The following PRPH variants were observed in gnomAD, a reference collection of about 807,000 sequenced individuals.
The protein encoded by PRPH is neurofilament 4 (57kD).
A neutral mutation model predicts 52.6 loss-of-function variants in PRPH; 48 were observed. That is an observed-to-expected ratio of 0.91 (90% CI 0.72 to 1.16). The LOEUF (loss-of-function observed/expected upper bound fraction) is 1.16. Among genes scored for constraint, PRPH ranks in the 50% most tolerant of loss-of-function variants. PRPH has a pLI of 0.00. For missense variants in PRPH, 579 were observed against 635.7 expected, an observed-to-expected ratio of 0.91 and a Z score of 0.96; for synonymous variants, 279 against 283.8, an observed-to-expected ratio of 0.98 and a Z score of 0.17.
rs1453804414 is a variant in PRPH, at chr12:49,298,571, C to A, written c.*218C>A. ...CCTATGTGCTTCCCTTTTCATGTCC[C>A]GATAAGAAGCCAATGATCCCCCCTC... is the stretch of plus-strand genomic sequence containing the variant. On this transcript the variant is annotated 3_prime_UTR_variant, in exon 9 of 9. Coordinates refer to ENST00000257860, the MANE Select transcript of PRPH (RefSeq NM_006262.4). 1.0e-5 allele frequency: 6 copies of A among 572,794 alleles called. No individual in the cohort carries two copies. The Admixed American group carries it at 1.8e-4, about 17-fold the overall frequency. 35.5% of individuals were successfully genotyped at this position (572,794 alleles called of 1,614,324 possible).
chr12:49,298,074 T>G (rs1380271753), intron 8 of PRPH, 37 bp downstream of exon 8: 4 of 1,601,912 alleles, frequency 2.5e-6, no homozygotes, highest in Admixed American at 1.7e-5. Context: ...CCCCACCATT[T>G]CCCATATTAT....
chr12:49,295,734 G>A lies in PRPH; in HGVS notation c.534G>A (p.Ala178=), dbSNP rs752458408. ...ERDGLAEDLA[A]LKQRLEEETR... Reference sequence around the variant, plus strand: ...ACGGGCTGGCGGAGGACCTGGCGGCGCTCAAGCAGAGGTCAGGGGGCAGGG... The same window carrying A: ...ACGGGCTGGCGGAGGACCTGGCGGCACTCAAGCAGAGGTCAGGGGGCAGGG... Residue 178 remains alanine, a synonymous_variant, in exon 1 of 9, where the codon GCG becomes GCA. Transcript: ENST00000257860. 2 of 1,511,484 alleles carry A rather than the reference G, an allele frequency of 1.3e-6. No homozygotes were observed. Among genetic ancestry groups the A allele is most frequent in the East Asian group, 2.5e-5 (1 of 40,232 alleles). 93.6% of individuals were successfully genotyped at this position (1,511,484 alleles called of 1,614,324 possible). A position where few individuals can be genotyped will look rare whatever the true frequency, so the allele number is the denominator to read the frequency against.
chr12:49,296,031 G>C lies in PRPH; in HGVS notation c.546-147G>C, dbSNP rs1943173896. On this transcript the variant is annotated intron_variant, in intron 1 of 8. Transcript: ENST00000257860. This position sits in a 1 kb window ranked among gnomAD's most constrained non-coding sequence, Gnocchi z 5.1. ...GCTCCCAGTCCGTTAGAGACAATGC[G>C]GGGCAATTCCATTAGACAGCCTCAG... 1.5e-6 allele frequency: 2 copies of C among 1,323,400 alleles called. No individual in the cohort carries two copies. Among genetic ancestry groups the C allele is most frequent in the Admixed American group, 2.0e-5 (1 of 49,844 alleles). The allele number at this position is 1,323,400 out of a possible 1,614,324, so 82.0% of individuals were successfully genotyped here.
At position 49,296,636 on chromosome 12, in the gene PRPH, G is replaced by C; in HGVS notation, c.702+109G>C. On this transcript the variant is annotated intron_variant, in intron 3 of 8. Coordinates refer to ENST00000257860, the MANE Select transcript of PRPH (RefSeq NM_006262.4). The surrounding 1 kb of genome is among the most constrained non-coding windows in gnomAD (Gnocchi z 5.1). ...CTGGGGATCAGGACGATGCTGGGTA[G>C]ACGCAGCCCCTCCACCCTAGTCTAC... 1.7e-6 allele frequency: 2 copies of C among 1,161,066 alleles called. No individual in the cohort carries two copies. The highest frequency in any genetic ancestry group is 3.9e-5 in the Admixed American group (2 of 51,014). The allele number at this position is 1,161,066 out of a possible 1,614,324, so 71.9% of individuals were successfully genotyped here. A position where few individuals can be genotyped will look rare whatever the true frequency, so the allele number is the denominator to read the frequency against.
In PRPH at chr12:49,297,812, C is replaced by T. The variant is rs768338608; in HGVS notation, c.1267+86C>T. On this transcript the variant is annotated intron_variant, in intron 7 of 8. Transcript: ENST00000257860. The surrounding 1 kb of genome is among the most constrained non-coding windows in gnomAD (Gnocchi z 4.4). ...CTCTGGCTCACCTCAGGGATCTCTT[C>T]TCCCCACGGAACTTCTGGGTCCTGG... The T allele has an allele frequency of 1.9e-6, 3 of 1,602,412 alleles. No individual in the cohort carries two copies. The highest frequency in any genetic ancestry group is 1.7e-5 in the Admixed American group (1 of 60,002).
In PRPH at chr12:49,298,047, G is replaced by T. The variant is rs1189108720; in HGVS notation, c.1347+10G>T. The stretch of plus-strand genomic sequence containing the variant: ...GACCCGGAATGGGGAGGTGAGGCAG[G>T]TCCCCTAATGCCAGGACCCCACCAT... On this transcript the variant is annotated intron_variant, in intron 8 of 8. Transcript: ENST00000257860. 2.5e-6 allele frequency: 4 copies of T among 1,612,812 alleles called. No homozygotes were observed. Among genetic ancestry groups the T allele is most frequent in the Non-Finnish European group, 3.4e-6 (4 of 1,178,824 alleles).
Position 49,297,860 on chromosome 12 carries a change from A to T in PRPH, c.1268-98A>T. 1 of 1,582,098 alleles carries T rather than the reference A, an allele frequency of 6.3e-7. No individual in the cohort carries two copies. The highest frequency in any genetic ancestry group is 8.7e-7 in the Non-Finnish European group (1 of 1,151,970). ...TGGCCTGTACCCACCCCTACTCCTC[A>T]AACCCGCCCCTCCCCTGCCCTCAGG... On this transcript the variant is annotated intron_variant, in intron 7 of 8. Coordinates refer to ENST00000257860, the MANE Select transcript of PRPH (RefSeq NM_006262.4). The surrounding 1 kb of genome is among the most constrained non-coding windows in gnomAD (Gnocchi z 4.4).
Position 49,297,378 on chromosome 12 carries a change from T to C in PRPH, c.1018T>C (p.Leu340=). The C allele has an allele frequency of 6.2e-7, 1 of 1,613,482 alleles. No homozygotes were observed. The highest frequency in any genetic ancestry group is 8.5e-7 in the Non-Finnish European group (1 of 1,179,900). The change falls in exon 6 of 9, where the codon TTG becomes CTG. Residue 340 remains leucine, a synonymous_variant. Coordinates refer to ENST00000257860, the MANE Select transcript of PRPH (RefSeq NM_006262.4). This position sits in a 1 kb window ranked among gnomAD's most constrained non-coding sequence, Gnocchi z 4.4. ...RGTNEALLRQ[L]RELEEQFALE... The stretch of plus-strand genomic sequence containing the variant: ...CCAGAACGAGGCGCTGCTCAGGCAG[T>C]TGAGAGAGCTGGAGGAGCAGTTCGC...
At chr12:49,295,970 G>C in intron 1 of PRPH, 1 of 1,423,594 alleles carries the variant, frequency 7.0e-7, no homozygotes, top group Non-Finnish European at 9.3e-7. Context: ...GTGGGTATCT[G>C]TGCCTCCCCT....
rs1943174575 is a variant in PRPH at position 49,296,075 on chromosome 12, G to A, written c.546-103G>A. 7.2e-7 allele frequency: 1 copy of A among 1,383,026 alleles called. No individual in the cohort carries two copies. The highest frequency in any genetic ancestry group is 1.0e-6 in the Non-Finnish European group (1 of 1,002,478). The allele number at this position is 1,383,026 out of a possible 1,614,324, so 85.7% of individuals were successfully genotyped here. A position where few individuals can be genotyped will look rare whatever the true frequency, so the allele number is the denominator to read the frequency against. On this transcript the variant is annotated intron_variant, in intron 1 of 8. Coordinates refer to ENST00000257860, the MANE Select transcript of PRPH (RefSeq NM_006262.4). This position sits in a 1 kb window ranked among gnomAD's most constrained non-coding sequence, Gnocchi z 5.1. The stretch of plus-strand genomic sequence containing the variant: ...GCCTCAGCCCTCCATTTAGAGTCCT[G>A]GGCAGCAGAACAGCCTCTAACCGGA...
chr12:49,297,601 G>C lies in PRPH; in HGVS notation c.1217+24G>C, dbSNP rs751404439. The C allele has an allele frequency of 6.2e-7, 1 of 1,609,312 alleles. No individual in the cohort carries two copies. The highest frequency in any genetic ancestry group is 8.5e-7 in the Non-Finnish European group (1 of 1,178,782). ...CGGTGAGGGTGGAGCTGCTGGGGCG[G>C]GGCAGGGCGGGGTCGGGACTGGGCC... On this transcript the variant is annotated intron_variant, in intron 6 of 8. Coordinates refer to ENST00000257860, the MANE Select transcript of PRPH (RefSeq NM_006262.4). The surrounding 1 kb of genome is among the most constrained non-coding windows in gnomAD (Gnocchi z 4.4).
Position 49,297,722 on chromosome 12 carries a change from G to A in PRPH, c.1263G>A (p.Thr421=), listed in dbSNP as rs751797920. 1.9e-6 allele frequency: 3 copies of A among 1,610,430 alleles called. No homozygotes were observed. The highest frequency in any genetic ancestry group is 1.7e-5 in the Admixed American group (1 of 59,856). The change falls in exon 7 of 9, where the codon ACG becomes ACA. Residue 421 remains threonine, a synonymous_variant. Transcript: ENST00000257860. This position sits in a 1 kb window ranked among gnomAD's most constrained non-coding sequence, Gnocchi z 4.4. ...CTTTTGCCTCCTTAAATATAAAGACGACTGGTGAGTCTGGCTTACAGCCTG... is the reference window on the plus strand; with the variant it reads ...CTTTTGCCTCCTTAAATATAAAGACAACTGGTGAGTCTGGCTTACAGCCTG... ...VHSFASLNIK[T]TVPEVEPPQD...
At position 49,298,605 on chromosome 12, in the gene PRPH, TCTA is replaced by T. The variant is rs995208037; in HGVS notation, c.*255_*257del. 1.5e-5 allele frequency: 8 copies of T among 533,556 alleles called. No homozygotes were observed. The African/African-American group carries it at 1.5e-4, about 10-fold the overall frequency. 33.1% of individuals were successfully genotyped at this position (533,556 alleles called of 1,614,324 possible). ...GCCAATGATCCCCCCTCAGGACAAA[TCTA>T]CTCCAGCCACGATGAGAAGTGGGTG... On this transcript the variant is annotated 3_prime_UTR_variant, in exon 9 of 9. Coordinates refer to ENST00000257860, the MANE Select transcript of PRPH (RefSeq NM_006262.4).
Position 49,297,985 on chromosome 12 carries a change from G to A in PRPH, c.1295G>A (p.Ser432Asn), listed in dbSNP as rs777337968. The A allele has an allele frequency of 6.2e-7, 1 of 1,614,198 alleles. No individual in the cohort carries two copies. The highest frequency in any genetic ancestry group is 1.7e-5 in the Admixed American group (1 of 60,018). ...TVPEVEPPQD[S>N]HSRKTVLIKT... ...CCTGAGGTGGAGCCTCCCCAGGACA[G>A]CCACAGCCGGAAGACGGTTCTGATC... The change falls in exon 8 of 9, where the codon AGC (serine) becomes AAC (asparagine). Residue 432 changes from serine to asparagine, a missense_variant. Transcript: ENST00000257860. This position sits in a 1 kb window ranked among gnomAD's most constrained non-coding sequence, Gnocchi z 4.4.
chr12:49,298,198 C>T, intron 8 of PRPH, 90 bp from the exon 9 acceptor site: 1 of 1,536,004 alleles, frequency 6.5e-7, no homozygotes, highest in African/African-American at 1.4e-5. Context: ...CTGCTGGTTA[C>T]CCCAGGGAGT....
chr12:49,297,456 C>T lies in PRPH; in HGVS notation c.1096C>T (p.Arg366Ter), dbSNP rs751294625. Residue 366 changes from arginine to a stop codon, truncating the protein, a stop_gained, in exon 6 of 9, where the codon CGA becomes TGA. Coordinates refer to ENST00000257860, the MANE Select transcript of PRPH (RefSeq NM_006262.4). LOFTEE classifies it high-confidence loss of function. The surrounding 1 kb of genome is among the most constrained non-coding windows in gnomAD (Gnocchi z 4.4). The stretch of plus-strand genomic sequence containing the variant: ...CGCTGCGCGGCTCGAGGAGGAGCTG[C>T]GACAGCTAAAAGAGGAGATGGCGCG... ...AGAARLEEEL[R>*]QLKEEMARHL... The T allele has an allele frequency of 6.2e-7, 1 of 1,611,748 alleles. No homozygotes were observed. The highest frequency in any genetic ancestry group is 1.3e-5 in the African/African-American group (1 of 75,000).
At chr12:49,295,778 G>C in intron 1 of PRPH, 33 bp downstream of exon 1, 1 of 1,449,652 alleles carries the variant, frequency 6.9e-7, no homozygotes. Context: ...CTGCCGTCGA[G>C]GCGAGGTCGA....
chr12:49,297,978 C>G lies in PRPH; in HGVS notation c.1288C>G (p.Gln430Glu), dbSNP rs1468125082. 3.7e-6 allele frequency: 6 copies of G among 1,614,196 alleles called. No individual in the cohort carries two copies. Among genetic ancestry groups the G allele is most frequent in the Non-Finnish European group, 5.1e-6 (6 of 1,180,038 alleles). ...KTTVPEVEPP[Q>E]DSHSRKTVLI... ...TTCAGTGCCTGAGGTGGAGCCTCCCCAGGACAGCCACAGCCGGAAGACGGT... is the reference window on the plus strand; with the variant it reads ...TTCAGTGCCTGAGGTGGAGCCTCCCGAGGACAGCCACAGCCGGAAGACGGT... Residue 430 changes from glutamine (Q) to glutamate (E), a missense_variant, in exon 8 of 9, where the codon CAG becomes GAG. Coordinates refer to ENST00000257860, the MANE Select transcript of PRPH (RefSeq NM_006262.4). The surrounding 1 kb of genome is among the most constrained non-coding windows in gnomAD (Gnocchi z 4.4).
chr12:49,295,726 C>G lies in PRPH; in HGVS notation c.526C>G (p.Leu176Val). Residue 176 changes from leucine (L) to valine (V), a missense_variant, in exon 1 of 9, where the codon CTG becomes GTG. Physicochemically the swap from Leu to Val is conservative, Grantham distance 32 (BLOSUM62 1). Transcript: ENST00000257860. ...GGAGCGCGACGGGCTGGCGGAGGAC[C>G]TGGCGGCGCTCAAGCAGAGGTCAGG... Reference protein sequence around the residue: ...QVERDGLAEDLAALKQRLEEE... With the variant: ...QVERDGLAEDVAALKQRLEEE... The G allele has an allele frequency of 6.6e-7, 1 of 1,516,408 alleles. No individual in the cohort carries two copies. Among genetic ancestry groups the G allele is most frequent in the Non-Finnish European group, 8.8e-7 (1 of 1,138,528 alleles). 93.9% of individuals were successfully genotyped at this position (1,516,408 alleles called of 1,614,324 possible).
Sources: gnomAD v4.1 joint callset for allele counts on GRCh38, gnomAD v4.1.1 for gene constraint, Gnocchi (gnomAD v3.1) non-coding constraint, MANE v1.5 for transcripts, NCBI Gene and HGNC (gene_info 2026-07-23, HGNC 2026-07-21) for gene names.